SDK1: variants seen among roughly 807,000 people sequenced by gnomAD.
SDK1 encodes protein sidekick-1.
In SDK1, 157 loss-of-function variants were observed where a neutral mutation model predicts 245.5. The ratio of observed to expected loss-of-function variants is 0.64; its 90% CI spans 0.56 to 0.73. SDK1 has a LOEUF of 0.73. Among genes scored for constraint, SDK1 ranks in the 30% least tolerant of loss-of-function variants. SDK1 has a pLI of 0.00. For missense variants in SDK1, 3,583 were observed against 3,002.3 expected (o/e 1.19, Z -4.52); for synonymous variants, 1,647 against 1,278.5 (o/e 1.29, Z -6.15).
intron 4 of SDK1, among the ~76,000 whole-genome samples, chr7:3,761,136 T>G (rs1290082177): frequency 1.3e-5 from 2 of 152,158 alleles, no homozygotes; most frequent in African/African-American, 4.8e-5. Context: ...TGTAACAGAA[T>G]GAGTAGCACT....
chr7:4,242,056 A>G (rs1786559256), intron 43 of SDK1, 143 bp downstream of exon 43: 1 of 944,658 alleles, frequency 1.1e-6, no homozygotes. Flanking sequence ...GTGCGCTCCC[A>G]AACCACCAGG....
At chr7:3,425,951 C>A (rs942930560) in intron 1 of SDK1, among the ~76,000 whole-genome samples, 1 of 152,226 alleles carries the variant, frequency 6.6e-6, no homozygotes, top group Admixed American at 6.5e-5. Flanking sequence ...ATTTCATCTA[C>A]ACTATCTTCC....
chr7:3,645,832 G>A (rs543098346), intron 4 of SDK1, among the ~76,000 whole-genome samples: 2 of 151,960 alleles, frequency 1.3e-5, no homozygotes, highest in Non-Finnish European at 2.9e-5. Flanking sequence ...ATATTGAAAT[G>A]CAGGTGAAGT....
intron 8 of SDK1, among the ~76,000 whole-genome samples, chr7:3,960,776 G>A (rs938641614): frequency 6.6e-6 from 1 of 152,216 alleles, no homozygotes. Context: ...AGAAGAGTAA[G>A]ACGAATTTTA....
At chr7:4,232,113 C>T (rs977196827) in intron 40 of SDK1, among the ~76,000 whole-genome samples, 4 of 146,470 alleles carry the variant, frequency 2.7e-5, no homozygotes, top group South Asian at 2.2e-4. Context: ...ACGTACAGCA[C>T]TTACTATGTG....
At chr7:3,700,314 T>C (rs1190556836) in intron 4 of SDK1, among the ~76,000 whole-genome samples, 1 of 152,218 alleles carries the variant, frequency 6.6e-6, no homozygotes, top group Non-Finnish European at 1.5e-5. Context: ...TAGACTTTTC[T>C]TTTCCTTTTG....
intron 4 of SDK1, among the ~76,000 whole-genome samples, chr7:3,757,185 T>G (rs777350788): frequency 2.8e-4 from 43 of 152,070 alleles, no homozygotes; most frequent in African/African-American, 1.0e-3. Flanking sequence ...CTCATATACA[T>G]CTGACAGACT....
At chr7:3,561,365 T>C (rs1779745135) in intron 1 of SDK1, among the ~76,000 whole-genome samples, 2 of 152,224 alleles carry the variant, frequency 1.3e-5, no homozygotes, top group Non-Finnish European at 2.9e-5. Flanking sequence ...GGAGCTTTTA[T>C]TGAAGAAAAG....
At chr7:4,076,408 T>A (rs1407405242) in intron 20 of SDK1, among the ~76,000 whole-genome samples, 3 of 151,844 alleles carry the variant, frequency 2.0e-5, no homozygotes, top group Non-Finnish European at 4.4e-5. Context: ...TACAAAAAAT[T>A]AGCCAGGCAT....
At chr7:3,369,120 C>T (rs1781161493) in intron 1 of SDK1, among the ~76,000 whole-genome samples, 1 of 152,068 alleles carries the variant, frequency 6.6e-6, no homozygotes. Context: ...TATTGGCTCA[C>T]TGCAACCTCT....
chr7:3,639,222 T>C (rs1782569068), intron 3 of SDK1, 112 bp downstream of exon 3: 2 of 562,986 alleles, frequency 3.6e-6, no homozygotes, highest in Admixed American at 6.1e-5. Context: ...TTTGGTTCTA[T>C]TTTGAGTAGA....
chr7:3,710,090 T>C (rs1785006100), intron 4 of SDK1, among the ~76,000 whole-genome samples: 1 of 152,276 alleles, frequency 6.6e-6, no homozygotes, highest in Admixed American at 6.5e-5. Flanking sequence ...AAACCTCACA[T>C]GTTGTTCACA....
At chr7:3,435,201 A>G (rs1464617584) in intron 1 of SDK1, among the ~76,000 whole-genome samples, 1 of 151,334 alleles carries the variant, frequency 6.6e-6, no homozygotes, top group African/African-American at 2.4e-5. Flanking sequence ...TTATTTATGG[A>G]AGATAGTGAT....
At chr7:3,990,481 G>T (rs1285069752) in intron 14 of SDK1, among the ~76,000 whole-genome samples, 2 of 152,248 alleles carry the variant, frequency 1.3e-5, no homozygotes, top group African/African-American at 4.8e-5. Context: ...GATAACTTCT[G>T]AGAGTACAGA....
At chr7:4,012,066 T>C (rs1786016141) in intron 15 of SDK1, 29 bp from the exon 16 acceptor site, 1 of 1,462,536 alleles carries the variant, frequency 6.8e-7, no homozygotes, top group Non-Finnish European at 9.0e-7. Flanking sequence ...TACTCATCTC[T>C]CTTGTTCCTA....
intron 5 of SDK1, among the ~76,000 whole-genome samples, chr7:3,861,685 G>A (rs10256741): frequency 2.0e-5 from 3 of 152,070 alleles, no homozygotes; most frequent in Admixed American, 6.5e-5. Flanking sequence ...TGAGCCTGAA[G>A]TAATTCACCA....
chr7:4,012,085 T>G lies in SDK1; in HGVS notation c.2280-10T>G, dbSNP rs1459112219. On this transcript the variant is annotated splice_polypyrimidine_tract_variant and intron_variant, in intron 15 of 44. Coordinates refer to ENST00000404826, the MANE Select transcript of SDK1 (RefSeq NM_152744.4). ...CATCTCTCTTGTTCCTACCCGTCTT[T>G]TATTTATAGGTTGATGCTACCTGAA... 6.6e-7 allele frequency: 1 copy of G among 1,505,388 alleles called. No homozygotes were observed. The highest frequency in any genetic ancestry group is 8.8e-7 in the Non-Finnish European group (1 of 1,131,166). 93.3% of individuals were successfully genotyped at this position (1,505,388 alleles called of 1,614,324 possible).
chr7:3,411,423 A>G (rs944189811), intron 1 of SDK1, among the ~76,000 whole-genome samples: 2 of 152,208 alleles, frequency 1.3e-5, no homozygotes, highest in African/African-American at 2.4e-5. Context: ...CCAATAACAT[A>G]GATGAATCAG....
chr7:3,307,998 G>C (rs959230398), intron 1 of SDK1, among the ~76,000 whole-genome samples: 2 of 152,054 alleles, frequency 1.3e-5, no homozygotes, highest in African/African-American at 2.4e-5. Flanking sequence ...ACTTTTCTCA[G>C]AGTATTTACA....
Sources: gnomAD v4.1 joint callset for allele counts (sites outside exome capture counted in the v4.1 genomes callset) on GRCh38, gnomAD v4.1.1 for gene constraint, MANE v1.5 for transcripts, NCBI Gene and HGNC (gene_info 2026-07-23, HGNC 2026-07-21) for gene names.